JMJD6: variants seen among roughly 807,000 people sequenced by gnomAD.
JMJD6 encodes the protein bifunctional arginine demethylase and lysyl-hydroxylase JMJD6.
In JMJD6, 17 loss-of-function variants were observed where a neutral mutation model predicts 45.8. The observed-to-expected ratio is 0.37, with a 90% CI of 0.25 to 0.56. JMJD6 has a LOEUF of 0.56. Ranked by LOEUF, JMJD6 falls within the 20% of genes least tolerant of loss-of-function variation. The pLI is 0.79. For missense variants in JMJD6, 470 were observed against 517.5 expected, an observed-to-expected ratio of 0.91 and a Z score of 0.89; for synonymous variants, 221 against 196.3, an observed-to-expected ratio of 1.13 and a Z score of -1.05.
chr17:76,717,806 T>C (rs1002518805), downstream of JMJD6, among the ~76,000 whole-genome samples: 6 of 150,160 alleles, frequency 4.0e-5, no homozygotes, highest in Non-Finnish European at 7.4e-5. Context: ...CTGGCCAATA[T>C]GGTGAAACCC....
downstream of JMJD6, among the ~76,000 whole-genome samples, chr17:76,718,006 A>T (rs1053738258): frequency 4.0e-5 from 6 of 151,008 alleles, no homozygotes; most frequent in African/African-American, 2.4e-5. Context: ...AAAATAATAA[A>T]AAAAAAATAA....
chr17:76,722,241 A>G (rs1347855820), intron 3 of JMJD6, among the ~76,000 whole-genome samples: 1 of 152,190 alleles, frequency 6.6e-6, no homozygotes, highest in Non-Finnish European at 1.5e-5. Context: ...TTATAGAAAA[A>G]GTTTGTTTAC....
At chr17:76,714,155 G>C (rs1008528448), downstream of JMJD6, 3 of 152,216 alleles carry the variant, frequency 2.0e-5, no homozygotes, top group African/African-American at 7.2e-5. Flanking sequence ...TAATGGCAGA[G>C]GCATGTGTGT....
intron 1 of JMJD6, among the ~76,000 whole-genome samples, 178 bp downstream of exon 1, chr17:76,726,169 G>A (rs549299908): frequency 6.6e-6 from 1 of 152,370 alleles, no homozygotes; most frequent in South Asian, 2.1e-4. Flanking sequence ...CACAGCACGG[G>A]AGGAAGCAGA....
Position 76,721,506 on chromosome 17 carries a change from G to C in JMJD6, c.941+292C>G, listed in dbSNP as rs1247794908. On this transcript the variant is annotated intron_variant, in intron 4 of 5. Transcript: ENST00000397625. Reference sequence around the variant, plus strand: ...AATAAAATGATTTTAGCTAGCGCTAGCTTTGAAAAACAAAACACAAAACAA... The same window carrying C: ...AATAAAATGATTTTAGCTAGCGCTACCTTTGAAAAACAAAACACAAAACAA... 4 of 417,264 alleles carry C rather than the reference G, an allele frequency of 9.6e-6. No individual in the cohort carries two copies. The East Asian group carries it at 1.6e-4, about 17-fold the overall frequency. 25.8% of individuals were successfully genotyped at this position (417,264 alleles called of 1,614,324 possible). A position where few individuals can be genotyped will look rare whatever the true frequency, so the allele number is the denominator to read the frequency against.
chr17:76,721,877 A>G lies in JMJD6; in HGVS notation c.862T>C (p.Phe288Leu). 1 of 1,614,104 alleles carries G rather than the reference A, an allele frequency of 6.2e-7. No homozygotes were observed. The highest frequency in any genetic ancestry group is 8.5e-7 in the Non-Finnish European group (1 of 1,180,020). The change falls in exon 4 of 6, where the codon TTT becomes CTT. Residue 288 changes from phenylalanine (F) to leucine (L), a missense_variant. Coordinates refer to ENST00000397625, the MANE Select transcript of JMJD6 (RefSeq NM_015167.3). The stretch of plus-strand genomic sequence containing the variant: ...ACAGGGAAGTTGGTGCTGCTGGCAA[A>G]ATTTTGGGTGATGGCGATAGTAGTG... ...LDTTIAITQN[F>L]ASSTNFPVVW...
At chr17:76,720,339 A>G (rs1188230581) in intron 5 of JMJD6, 21 bp downstream of exon 5, 11 of 1,613,086 alleles carry the variant, frequency 6.8e-6, no homozygotes, top group Non-Finnish European at 9.3e-6. Context: ...TCCAGGAGTC[A>G]GCCAGAGAGC....
In JMJD6 at chr17:76,723,750, C is replaced by T. The variant is rs113926257; in HGVS notation, c.805+22G>A. 8.1e-6 allele frequency: 13 copies of T among 1,608,780 alleles called. No homozygotes were observed. In the African/African-American group the frequency reaches 1.1e-4, roughly 13 times the overall value. On this transcript the variant is annotated intron_variant, in intron 3 of 5. Transcript: ENST00000397625. ...ACCACCGCGCCCGGCAAAGAATGTACTTTCTTCCAGTTCATCTATACCTGG... is the reference window on the plus strand; with the variant it reads ...ACCACCGCGCCCGGCAAAGAATGTATTTTCTTCCAGTTCATCTATACCTGG...
chr17:76,724,811 C>T lies in JMJD6; in HGVS notation c.518+656G>A, dbSNP rs567249789. On this transcript the variant is annotated intron_variant, in intron 2 of 5. Coordinates refer to ENST00000397625, the MANE Select transcript of JMJD6 (RefSeq NM_015167.3). ...CAGCTTGGACGACAGAGGGAGACTC[C>T]ATCTCAATGAAGAAAAAAAAAAGAA... Among the ~76,000 whole-genome samples the T allele has an allele frequency of 1.1e-3, 160 of 150,614 alleles. 1 individual carries two copies. The highest frequency in any genetic ancestry group is 1.3e-3 in the Non-Finnish European group (89 of 67,756).
intron 5 of JMJD6, 83 bp from the exon 6 acceptor site, chr17:76,718,943 C>T: frequency 7.2e-7 from 1 of 1,379,792 alleles, no homozygotes; most frequent in East Asian, 2.4e-5. Flanking sequence ...CCTCGGGAGA[C>T]AGCACAGATA....
At chr17:76,720,630 G>A (rs918124689) in intron 4 of JMJD6, 132 bp from the exon 5 acceptor site, 2 of 805,598 alleles carry the variant, frequency 2.5e-6, no homozygotes, top group Non-Finnish European at 2.0e-6. Context: ...AATGGATACT[G>A]TACAATGGTG....
chr17:76,712,923 CT>C (rs1381743871), exon 7 of JMJD6: 1 of 152,230 alleles, frequency 6.6e-6, no homozygotes, highest in Non-Finnish European at 1.5e-5. Context: ...GATCCACAGG[CT>C]TTCATGGCAG....
chr17:76,719,225 A>T (rs1389407891), intron 5 of JMJD6, among the ~76,000 whole-genome samples: 2 of 152,226 alleles, frequency 1.3e-5, no homozygotes, highest in East Asian at 3.8e-4. Context: ...ATAGCACTGA[A>T]CATTCCCAGA....
chr17:76,723,536 GT>G (rs1286529503), intron 3 of JMJD6, among the ~76,000 whole-genome samples: 1 of 150,392 alleles, frequency 6.6e-6, no homozygotes, highest in Non-Finnish European at 1.5e-5. Flanking sequence ...CGCCACCTGG[GT>G]TCACGTGATT....
Position 76,721,797 on chromosome 17 carries a change from C to A in JMJD6, c.941+1G>T. On this transcript the variant is annotated splice_donor_variant, in intron 4 of 5. Transcript: ENST00000397625. LOFTEE classifies it high-confidence loss of function. ...AGAAATAAGAAAAAAATGACTCTCA[C>A]CTATACCATTTCCTTGATAACTTTG... is the stretch of plus-strand genomic sequence containing the variant. 1 of 1,613,816 alleles carries A rather than the reference C, an allele frequency of 6.2e-7. No homozygotes were observed. Among genetic ancestry groups the A allele is most frequent in the Non-Finnish European group, 8.5e-7 (1 of 1,179,860 alleles).
intron 2 of JMJD6, 48 bp downstream of exon 2, chr17:76,725,406 CAAAAAAAAAAAAA>C: frequency 4.2e-6 from 4 of 951,464 alleles, no homozygotes; most frequent in East Asian, 3.1e-5. Flanking sequence ...CGCTCTGTCT[CAAAAAAAAAAAAA>C]AAAAAAAAAG....
At position 76,725,825 on chromosome 17, in the gene JMJD6, G is replaced by C; in HGVS notation, c.160C>G (p.Leu54Val). 6.2e-7 allele frequency: 1 copy of C among 1,613,108 alleles called. No homozygotes were observed. Among genetic ancestry groups the C allele is most frequent in the Non-Finnish European group, 8.5e-7 (1 of 1,179,890 alleles). The stretch of plus-strand genomic sequence containing the variant: ...CGCTCCACAAATTCTTCCACAGACA[G>C]CTGTAAAGCATCTGCCCTTTCCACG... ...DNVERADALQ[L>V]SVEEFVERYE... Residue 54 changes from leucine to valine, a missense_variant, in exon 2 of 6, where the codon CTG becomes GTG. By Grantham distance (32) the Leu-to-Val change is conservative. This residue lies in a region of JMJD6 where 346 missense variants were observed against 339.5 expected (regional missense o/e 1.02). Transcript: ENST00000397625.
At chr17:76,723,198 G>A (rs867236696) in intron 3 of JMJD6, among the ~76,000 whole-genome samples, 5 of 151,888 alleles carry the variant, frequency 3.3e-5, no homozygotes, top group Non-Finnish European at 7.4e-5. Context: ...CACCCACTTC[G>A]GCCTCCCAAA....
chr17:76,721,713 C>A, intron 4 of JMJD6, 85 bp downstream of exon 4: 1 of 1,425,484 alleles, frequency 7.0e-7, no homozygotes, highest in Non-Finnish European at 9.8e-7. Flanking sequence ...ACGATCAGCA[C>A]ACATCATCGC....
Sources: gnomAD v4.1 joint callset for allele counts (sites outside exome capture counted in the v4.1 genomes callset) on GRCh38, gnomAD v4.1.1 for gene constraint, gnomAD v4.1.1 regional missense constraint, MANE v1.5 for transcripts, NCBI Gene and HGNC (gene_info 2026-07-23, HGNC 2026-07-21) for gene names.